The following EFHB variants were observed in gnomAD, a reference collection of about 807,000 sequenced individuals.
The protein encoded by EFHB is EF-hand domain-containing family member B.
A neutral mutation model predicts 87.2 loss-of-function variants in EFHB; 91 were observed. The ratio of observed to expected loss-of-function variants is 1.04; its 90% CI spans 0.88 to 1.24. The LOEUF (loss-of-function observed/expected upper bound fraction) is 1.24, where lower values mean the gene tolerates loss of function less well. Ranked by LOEUF, EFHB falls within the 50% of genes most tolerant of loss-of-function variation. EFHB has a pLI of 0.00. For synonymous variants in EFHB, 325 were observed against 333.6 expected, an observed-to-expected ratio of 0.97 and a Z score of 0.28; for missense variants, 1,084 against 998.8, an observed-to-expected ratio of 1.09 and a Z score of -1.15.
At chr3:19,940,120 C>T (rs911929870) in intron 1 of EFHB, 1 of 152,956 alleles carries the variant, frequency 6.5e-6, no homozygotes, top group Non-Finnish European at 1.5e-5. Context: ...AGATTACAGG[C>T]CTTTTTAGGC....
At chr3:19,888,115 C>T (rs1467702634) in intron 10 of EFHB, among the ~76,000 whole-genome samples, 1 of 152,068 alleles carries the variant, frequency 6.6e-6, no homozygotes, top group African/African-American at 2.4e-5. Flanking sequence ...ACAGATATTC[C>T]ATGCATAAAC....
At chr3:19,906,772 GA>G (rs1277173763) in intron 5 of EFHB, among the ~76,000 whole-genome samples, 1 of 151,552 alleles carries the variant, frequency 6.6e-6, no homozygotes, top group Non-Finnish European at 1.5e-5. Flanking sequence ...TTAGGAAAAA[GA>G]AAAAAGTTAG....
chr3:19,884,355 G>T (rs771911716), intron 11 of EFHB, 48 bp downstream of exon 11: 5 of 1,544,474 alleles, frequency 3.2e-6, no homozygotes, highest in Non-Finnish European at 4.4e-6. Flanking sequence ...AGGACAGACA[G>T]AGGACAGTTT....
chr3:19,931,632 G>A (rs1299494773), intron 1 of EFHB, among the ~76,000 whole-genome samples: 1 of 152,150 alleles, frequency 6.6e-6, no homozygotes, highest in African/African-American at 2.4e-5. Flanking sequence ...TCAGTGTGTG[G>A]AATCTCTTAC....
At position 19,899,332 on chromosome 3, in the gene EFHB, T is replaced by C. The variant is rs1015086119; in HGVS notation, c.1502+100A>G. 9.6e-6 allele frequency: 7 copies of C among 732,624 alleles called. No homozygotes were observed. In the African/African-American group the frequency reaches 1.3e-4, roughly 13 times the overall value. 45.4% of individuals were successfully genotyped at this position (732,624 alleles called of 1,614,324 possible). On this transcript the variant is annotated intron_variant, in intron 7 of 12. Transcript: ENST00000295824. ...ACAATAAAATAATGATTTTCTTATT[T>C]AATAGATAGAATCTAATAGGCACAC...
intron 5 of EFHB, 103 bp from the exon 6 acceptor site, chr3:19,905,852 C>A: frequency 7.2e-7 from 1 of 1,392,506 alleles, no homozygotes; most frequent in Non-Finnish European, 9.6e-7. Flanking sequence ...GAGAATGGAA[C>A]AAAAAATGAA....
chr3:19,928,850 A>C (rs1695724746), intron 1 of EFHB, among the ~76,000 whole-genome samples: 1 of 152,230 alleles, frequency 6.6e-6, no homozygotes, highest in Admixed American at 6.5e-5. Flanking sequence ...AGAAAAGGAC[A>C]AAAGTGTCAA....
chr3:19,936,649 T>C (rs534866583), upstream of EFHB, among the ~76,000 whole-genome samples: 38 of 152,050 alleles, frequency 2.5e-4, 1 homozygote, highest in African/African-American at 8.7e-4. Flanking sequence ...GGGTGGATCA[T>C]TTGAGGTCAG....
intron 4 of EFHB, among the ~76,000 whole-genome samples, 171 bp downstream of exon 4, chr3:19,918,061 C>A (rs189219316): frequency 6.6e-6 from 1 of 152,304 alleles, no homozygotes; most frequent in East Asian, 1.9e-4. Flanking sequence ...CATACATACA[C>A]GTCAAGGATT....
At chr3:19,920,700 A>C in intron 1 of EFHB, 133 bp from the exon 2 acceptor site, 3 of 621,222 alleles carry the variant, frequency 4.8e-6, no homozygotes, top group Non-Finnish European at 8.3e-6. Flanking sequence ...AAAAGGAAGA[A>C]CAAATAGTAA....
rs146363233 is a variant in EFHB at position 19,905,721 on chromosome 3, T to C, written c.1317A>G (p.Pro439=). 6.2e-7 allele frequency: 1 copy of C among 1,611,908 alleles called. No individual in the cohort carries two copies. Among genetic ancestry groups the C allele is most frequent in the African/African-American group, 1.3e-5 (1 of 74,888 alleles). The change falls in exon 6 of 13, where the codon CCA becomes CCG. Residue 439 remains proline (P), a synonymous_variant. Coordinates refer to ENST00000295824, the MANE Select transcript of EFHB (RefSeq NM_144715.4). ...AGEAKNRKYN[P]SSFHRCSVYG... ...ACACACTACACCTATGGAAACTTGA[T>C]GGGTTATACTTTCGGTTCTTTGCCT... is the stretch of plus-strand genomic sequence containing the variant.
chr3:19,918,979 CAAA>C (rs11356910), intron 3 of EFHB, among the ~76,000 whole-genome samples: 7 of 75,988 alleles, frequency 9.2e-5, no homozygotes, highest in African/African-American at 2.2e-4. Context: ...GACTCAGTCT[CAAA>C]AAAAAAAAAA....
intron 1 of EFHB, among the ~76,000 whole-genome samples, chr3:19,922,596 G>C (rs1193637310): frequency 6.6e-6 from 1 of 152,186 alleles, no homozygotes; most frequent in Non-Finnish European, 1.5e-5. Flanking sequence ...GCAGCCAGGA[G>C]TTAAGCCAGC....
chr3:19,894,055 TA>T (rs1179507821), intron 9 of EFHB, among the ~76,000 whole-genome samples: 1 of 152,252 alleles, frequency 6.6e-6, no homozygotes, highest in African/African-American at 2.4e-5. Context: ...CTTGCATTGC[TA>T]AGAACATCTG....
chr3:19,884,476 A>C lies in EFHB; in HGVS notation c.2073T>G (p.Ser691Arg), dbSNP rs1310953000. 1 of 1,613,944 alleles carries C rather than the reference A, an allele frequency of 6.2e-7. No individual in the cohort carries two copies. The highest frequency in any genetic ancestry group is 8.5e-7 in the Non-Finnish European group (1 of 1,179,886). The change falls in exon 11 of 13, where the codon AGT becomes AGG. Residue 691 changes from serine (S) to arginine (R), a missense_variant. Ser to Arg is a moderately radical substitution (Grantham distance 110). Coordinates refer to ENST00000295824, the MANE Select transcript of EFHB (RefSeq NM_144715.4). ...TCTTATAGTAGTTGGAAACTTTATC[A>C]CTTGGTCTCAGAAGTGTCCGGAGAG... ...EKTLRTLLRP[S>R]DKVSNYYKTT...
intron 9 of EFHB, among the ~76,000 whole-genome samples, chr3:19,893,742 G>A (rs1186733322): frequency 2.0e-5 from 3 of 152,082 alleles, no homozygotes; most frequent in Admixed American, 6.6e-5. Context: ...ACACCTTTGG[G>A]TATCTTCCCC....
At chr3:19,884,353 C>A in intron 11 of EFHB, 50 bp downstream of exon 11, 8 of 1,537,748 alleles carry the variant, frequency 5.2e-6, no homozygotes, top group Non-Finnish European at 7.1e-6. Context: ...CAAGGACAGA[C>A]AGAGGACAGT....
chr3:19,937,016 A>C (rs765069488), upstream of EFHB, among the ~76,000 whole-genome samples: 1 of 151,922 alleles, frequency 6.6e-6, no homozygotes, highest in Non-Finnish European at 1.5e-5. Flanking sequence ...TAAAAATACA[A>C]AAATTAACTG....
intron 5 of EFHB, among the ~76,000 whole-genome samples, chr3:19,911,451 A>T (rs2125142859): frequency 6.6e-6 from 1 of 151,938 alleles, no homozygotes; most frequent in Non-Finnish European, 1.5e-5. Context: ...CCTGCTACTG[A>T]GGAGGCTGAG....
Sources: gnomAD v4.1 joint callset for allele counts (sites outside exome capture counted in the v4.1 genomes callset) on GRCh38, gnomAD v4.1.1 for gene constraint, MANE v1.5 for transcripts, NCBI Gene and HGNC (gene_info 2026-07-23, HGNC 2026-07-21) for gene names.